The following BSDC1 variants were observed in gnomAD, a reference collection of about 807,000 sequenced individuals.
BSDC1 encodes the protein BSD domain-containing protein 1.
A neutral mutation model predicts 56.0 loss-of-function variants in BSDC1; 29 were observed. The observed-to-expected ratio is 0.52, with a 90% confidence interval of 0.39 to 0.71. The LOEUF (loss-of-function observed/expected upper bound fraction) is 0.71, where lower values mean the gene tolerates loss of function less well. Among genes scored for constraint, BSDC1 ranks in the 30% least tolerant of loss-of-function variants. BSDC1 has a pLI of 0.00. For synonymous variants in BSDC1, 210 were observed against 215.3 expected, an observed-to-expected ratio of 0.98 and a Z score of 0.21; for missense variants, 477 against 548.5, an observed-to-expected ratio of 0.87 and a Z score of 1.30.
rs776548940 is a variant in BSDC1 at position 32,394,390 on chromosome 1, AACG to A, written c.11+11_11+13del. The A allele has an allele frequency of 8.1e-6, 13 of 1,613,984 alleles. No homozygotes were observed. In the South Asian group the frequency reaches 1.2e-4, roughly 15 times the overall value. ...TTCAGGCCCCAACGCCTAGGAGCAA[AACG>A]ACAAGCTCACCCTTCCGCCATCTTG... On this transcript the variant is annotated intron_variant, in intron 1 of 10. Coordinates refer to ENST00000455895, the MANE Select transcript of BSDC1 (RefSeq NM_018045.8).
rs1641781363 is a variant in BSDC1 at position 32,364,654 on chromosome 1, G to A, written c.*1968C>T. ...GGGTTTCACCATGTTGGCCAGGCTG[G>A]TCTGGAACTCCTGACCTTAGTGATC... On this transcript the variant is annotated 3_prime_UTR_variant, in exon 11 of 11. Coordinates refer to ENST00000455895, the MANE Select transcript of BSDC1 (RefSeq NM_018045.8). 6.6e-6 allele frequency among the ~76,000 whole-genome samples: 1 copy of A among 152,128 alleles called. No homozygotes were observed. The highest frequency in any genetic ancestry group is 2.1e-4 in the South Asian group (1 of 4,834).
rs192065977 is a variant in BSDC1 at position 32,375,004 on chromosome 1, T to C, written c.1156+1258A>G. Reference sequence around the variant, plus strand: ...CATCTCTACTAAAAATACAAAAAATTAGCCGGGCATGATAGCATGCGCCTG... The same window carrying C: ...CATCTCTACTAAAAATACAAAAAATCAGCCGGGCATGATAGCATGCGCCTG... On this transcript the variant is annotated intron_variant, in intron 9 of 10. Transcript: ENST00000455895. Among the ~76,000 whole-genome samples the C allele has an allele frequency of 1.6e-4, 24 of 152,112 alleles. 1 individual carries two copies. The highest frequency in any genetic ancestry group is 4.6e-4 in the African/African-American group (19 of 41,514).
At chr1:32,386,685 G>T in intron 3 of BSDC1, 94 bp downstream of exon 3, 1 of 803,314 alleles carries the variant, frequency 1.2e-6, no homozygotes, top group South Asian at 2.1e-5. Flanking sequence ...TTCCCCATAT[G>T]GAAAAATAAT....
intron 1 of BSDC1, 109 bp from the exon 2 acceptor site, chr1:32,394,249 C>A: frequency 6.4e-7 from 1 of 1,552,114 alleles, no homozygotes. Flanking sequence ...CTTCGCAGAC[C>A]GCTTGCCCAC....
chr1:32,367,702 A>G (rs1337248174), intron 10 of BSDC1: 2 of 983,602 alleles, frequency 2.0e-6, no homozygotes, highest in East Asian at 1.1e-4. Context: ...GAGGTAGTGA[A>G]GAATAACAGT....
chr1:32,387,914 C>T (rs1642728910), intron 2 of BSDC1, among the ~76,000 whole-genome samples: 1 of 152,172 alleles, frequency 6.6e-6, no homozygotes, highest in African/African-American at 2.4e-5. Context: ...TCTTGGAGGC[C>T]TTCTTGGTTC....
rs1641940210 is a variant in BSDC1, at chr1:32,368,525, G to A, written c.1182C>T (p.Asp394=). 1.9e-6 allele frequency: 3 copies of A among 1,614,004 alleles called. No individual in the cohort carries two copies. In the African/African-American group the frequency reaches 4.0e-5, roughly 22 times the overall value. ...TGTCCAAGTCAAAGTCTTTCTCCCA[G>A]TCCTCACTGATGTCCGTGCTTGAGC... ...KKGSSTDISE[D]WEKDFDLDMT... The change falls in exon 10 of 11, where the codon GAC becomes GAT. Residue 394 remains aspartate, a synonymous_variant. Coordinates refer to ENST00000455895, the MANE Select transcript of BSDC1 (RefSeq NM_018045.8).
At chr1:32,381,005 C>G (rs149692166) in intron 5 of BSDC1, among the ~76,000 whole-genome samples, 1,526 of 152,188 alleles carry the variant, frequency 0.01, 16 homozygotes, top group Non-Finnish European at 0.017. Flanking sequence ...GGGGCCAAGT[C>G]CCTGCAGGGT....
chr1:32,364,672 TA>T lies in BSDC1; in HGVS notation c.*1949del, dbSNP rs1175281943. On this transcript the variant is annotated 3_prime_UTR_variant, in exon 11 of 11. Coordinates refer to ENST00000455895, the MANE Select transcript of BSDC1 (RefSeq NM_018045.8). ...CAGGCTGGTCTGGAACTCCTGACCT[TA>T]GTGATCCACCCACCTTGGCCTCCCA... Among the ~76,000 whole-genome samples the T allele has an allele frequency of 6.6e-6, 1 of 152,086 alleles. No homozygotes were observed. The highest frequency in any genetic ancestry group is 2.4e-5 in the African/African-American group (1 of 41,414).
At chr1:32,370,041 G>A (rs1330998772) in intron 9 of BSDC1, among the ~76,000 whole-genome samples, 8 of 152,204 alleles carry the variant, frequency 5.3e-5, no homozygotes, top group African/African-American at 1.2e-4. Flanking sequence ...GCAGTGGCGC[G>A]ATCCTAGCTC....
At chr1:32,383,734 TGGCCTGAACATGGGCTGC>T in intron 4 of BSDC1, 78 bp downstream of exon 4, 1 of 1,003,584 alleles carries the variant, frequency 1.0e-6, no homozygotes, top group Admixed American at 2.2e-5. Flanking sequence ...ATTTATTTTT[TGGCCTGAACATGGGCTGC>T]TTTTGTGAGT....
intron 3 of BSDC1, 168 bp from the exon 4 acceptor site, chr1:32,384,165 C>T (rs1334612610): frequency 4.7e-5 from 39 of 837,360 alleles, no homozygotes; most frequent in Non-Finnish European, 7.3e-5. Flanking sequence ...AGGCAAGGGT[C>T]CTCCATCCCC....
chr1:32,393,391 G>GT (rs765145604), intron 2 of BSDC1, among the ~76,000 whole-genome samples: 2 of 152,178 alleles, frequency 1.3e-5, no homozygotes, highest in Non-Finnish European at 2.9e-5. Context: ...GCACCAGTGT[G>GT]TATGGCTCAT....
intron 2 of BSDC1, 67 bp downstream of exon 2, chr1:32,394,013 T>G (rs1381149695): frequency 6.5e-7 from 1 of 1,528,974 alleles, no homozygotes; most frequent in East Asian, 2.4e-5. Flanking sequence ...GCGGGGCTGG[T>G]TGGACCAGGT....
chr1:32,390,689 C>G (rs1260434334), intron 2 of BSDC1, among the ~76,000 whole-genome samples: 1 of 152,086 alleles, frequency 6.6e-6, no homozygotes, highest in African/African-American at 2.4e-5. Context: ...GGTGGGCAGA[C>G]TGCTTGAGCC....
rs1570150505 is a variant in BSDC1, at chr1:32,383,898, T to C, written c.289A>G (p.Ile97Val). ...ATCAGGGTGATGACATCGCAGTCGA[T>C]GGTTTTGTCTGGCGAAGGGGCAAAG... The part of the protein sequence containing the change: ...DTFAPSPDKT[I>V]DCDVITLMGT... The change falls in exon 4 of 11, where the codon ATC (isoleucine) becomes GTC (valine). Residue 97 changes from isoleucine (I) to valine (V), a missense_variant. Transcript: ENST00000455895. 3.1e-6 allele frequency: 5 copies of C among 1,612,452 alleles called. No homozygotes were observed. The highest frequency in any genetic ancestry group is 4.5e-5 in the East Asian group (2 of 44,882).
chr1:32,382,079 T>C (rs1468390056), intron 4 of BSDC1, among the ~76,000 whole-genome samples: 2 of 151,616 alleles, frequency 1.3e-5, no homozygotes, highest in African/African-American at 4.9e-5. Context: ...ATACAAAAAT[T>C]AGCCGGGCAT....
intron 9 of BSDC1, among the ~76,000 whole-genome samples, chr1:32,373,826 TTTC>T (rs538621328): frequency 3.9e-5 from 6 of 152,260 alleles, no homozygotes; most frequent in Admixed American, 1.3e-4. Context: ...CCCAGCGGAC[TTTC>T]TTCTTTTCAT....
chr1:32,382,586 C>T (rs1008199821), intron 4 of BSDC1, among the ~76,000 whole-genome samples: 5 of 151,094 alleles, frequency 3.3e-5, no homozygotes, highest in Non-Finnish European at 7.4e-5. Context: ...TGTGGCCAGG[C>T]GCGGTGGCTT....
Sources: gnomAD v4.1 joint callset for allele counts (sites outside exome capture counted in the v4.1 genomes callset) on GRCh38, gnomAD v4.1.1 for gene constraint, MANE v1.5 for transcripts, NCBI Gene and HGNC (gene_info 2026-07-23, HGNC 2026-07-21) for gene names.